SLC8A1: variants seen among roughly 807,000 people sequenced by gnomAD.
SLC8A1 encodes the protein solute carrier family 8 member A1.
Under a neutral mutation model 68.3 loss-of-function variants are expected in SLC8A1, and 18 were observed. The ratio of observed to expected loss-of-function variants is 0.26; its 90% confidence interval spans 0.18 to 0.39. The LOEUF is 0.39. SLC8A1 is among the 10% of genes least tolerant of loss of function. The pLI is 1.00. For synonymous variants in SLC8A1, 475 were observed against 415.5 expected, an observed-to-expected ratio of 1.14 and a Z score of -1.74; for missense variants, 985 against 1,156.7, an observed-to-expected ratio of 0.85 and a Z score of 2.15.
chr2:40,339,455 A>C (rs1243938224), intron 2 of SLC8A1, among the ~76,000 whole-genome samples: 1 of 152,208 alleles, frequency 6.6e-6, no homozygotes, highest in Non-Finnish European at 1.5e-5. Context: ...GCCAGAATTC[A>C]CTTTACCATT....
intron 3 of SLC8A1, 94 bp downstream of exon 4, chr2:40,175,167 G>C: frequency 7.9e-7 from 1 of 1,272,664 alleles, no homozygotes. Context: ...AGCAAGTCAA[G>C]AGAAATAAAA....
intron 2 of SLC8A1, among the ~76,000 whole-genome samples, chr2:40,234,606 A>C (rs966967573): frequency 2.6e-5 from 4 of 152,084 alleles, no homozygotes; most frequent in East Asian, 1.9e-4. Context: ...TCTCCTGCCT[A>C]ATTGCCCTGG....
At chr2:40,268,793 C>T (rs564385590) in intron 2 of SLC8A1, among the ~76,000 whole-genome samples, 7 of 151,958 alleles carry the variant, frequency 4.6e-5, no homozygotes, top group Non-Finnish European at 7.4e-5. Flanking sequence ...AGAGAAAGTC[C>T]AACACTTAAG....
intron 1 of SLC8A1, among the ~76,000 whole-genome samples, chr2:40,444,249 G>A (rs1431047739): frequency 1.3e-5 from 2 of 152,154 alleles, no homozygotes; most frequent in Admixed American, 6.5e-5. Flanking sequence ...TGAGCCAGGA[G>A]GATTACTTGG....
chr2:40,421,153 C>T (rs1695396696), intron 2 of SLC8A1, among the ~76,000 whole-genome samples: 1 of 152,086 alleles, frequency 6.6e-6, no homozygotes, highest in African/African-American at 2.4e-5. Context: ...ATCAGCATCA[C>T]CATCACTACC....
At chr2:40,337,767 T>G (rs1009650696) in intron 2 of SLC8A1, among the ~76,000 whole-genome samples, 1 of 152,192 alleles carries the variant, frequency 6.6e-6, no homozygotes, top group South Asian at 2.1e-4. Flanking sequence ...ACTATCCTGA[T>G]GATTCTATGA....
At chr2:40,356,004 G>A (rs1672546464) in intron 2 of SLC8A1, among the ~76,000 whole-genome samples, 2 of 152,150 alleles carry the variant, frequency 1.3e-5, no homozygotes, top group South Asian at 4.2e-4. Context: ...AGAGCTAGAG[G>A]TAGAGTCACT....
At chr2:40,189,855 T>C (rs2148640772) in intron 2 of SLC8A1, 1 of 152,312 alleles carries the variant, frequency 6.6e-6, no homozygotes, top group South Asian at 2.1e-4. Context: ...CCTCACATGC[T>C]TGGGCCCCAC....
At chr2:40,342,949 G>A (rs1408084369) in intron 2 of SLC8A1, among the ~76,000 whole-genome samples, 2 of 152,082 alleles carry the variant, frequency 1.3e-5, no homozygotes, top group Non-Finnish European at 2.9e-5. Context: ...CCCTCACAGT[G>A]TACAATAAGA....
At chr2:40,489,526 T>A (rs1217186594) in intron 1 of SLC8A1, among the ~76,000 whole-genome samples, 3 of 152,102 alleles carry the variant, frequency 2.0e-5, no homozygotes, top group African/African-American at 7.2e-5. Context: ...TGTTACTCAC[T>A]AGAGATACCA....
chr2:40,334,520 A>C (rs1181823322), intron 2 of SLC8A1, among the ~76,000 whole-genome samples: 1 of 152,210 alleles, frequency 6.6e-6, no homozygotes, highest in African/African-American at 2.4e-5. Context: ...AAAATTCTTA[A>C]AAGCTTATTT....
chr2:40,214,034 G>T (rs887850344), intron 2 of SLC8A1, among the ~76,000 whole-genome samples: 2 of 152,152 alleles, frequency 1.3e-5, no homozygotes, highest in Admixed American at 1.3e-4. Flanking sequence ...GTAGCCAGTG[G>T]TAGAAATGAT....
At chr2:40,336,429 A>T (rs1666001378) in intron 2 of SLC8A1, among the ~76,000 whole-genome samples, 1 of 152,212 alleles carries the variant, frequency 6.6e-6, no homozygotes, top group African/African-American at 2.4e-5. Flanking sequence ...ATCTCAGAAT[A>T]TCCATTTTAT....
intron 2 of SLC8A1, among the ~76,000 whole-genome samples, chr2:40,306,460 G>GGC (rs1553489863): frequency 0.063 from 9,382 of 149,294 alleles, 965 homozygotes; most frequent in African/African-American, 0.22. Flanking sequence ...TGTGGGGGGG[G>GGC]GCATAGCGTG....
intron 2 of SLC8A1, among the ~76,000 whole-genome samples, chr2:40,322,850 A>C (rs1410382046): frequency 2.0e-5 from 3 of 148,528 alleles, no homozygotes; most frequent in South Asian, 2.1e-4. Flanking sequence ...ACACACACAC[A>C]CCACACACAC....
chr2:40,485,596 A>C (rs568315767), intron 1 of SLC8A1, among the ~76,000 whole-genome samples: 10 of 152,266 alleles, frequency 6.6e-5, no homozygotes, highest in African/African-American at 2.2e-4. Context: ...TCTTTATTTC[A>C]ACAATCATTG....
chr2:40,324,031 G>T (rs182103703), intron 2 of SLC8A1, among the ~76,000 whole-genome samples: 2 of 151,702 alleles, frequency 1.3e-5, no homozygotes, highest in Admixed American at 6.6e-5. Flanking sequence ...TTAAAGGTGG[G>T]GGGGGGGCTG....
intron 2 of SLC8A1, among the ~76,000 whole-genome samples, chr2:40,187,498 G>T (rs1329965361): frequency 6.6e-6 from 1 of 152,166 alleles, no homozygotes; most frequent in African/African-American, 2.4e-5. Flanking sequence ...GGGAGACCAA[G>T]GGAGCTTTAG....
At chr2:40,213,758 C>T (rs1484094841) in intron 2 of SLC8A1, among the ~76,000 whole-genome samples, 1 of 152,172 alleles carries the variant, frequency 6.6e-6, no homozygotes. Context: ...ACAACAGAAA[C>T]TAGAGCTGCA....
Sources: gnomAD v4.1 joint callset for allele counts (sites outside exome capture counted in the v4.1 genomes callset) on GRCh38, gnomAD v4.1.1 for gene constraint, MANE v1.5 for transcripts, NCBI Gene and HGNC (gene_info 2026-07-23, HGNC 2026-07-21) for gene names.